The following ZNF654 variants were observed in gnomAD, a reference collection of about 807,000 sequenced individuals.
ZNF654 encodes the protein melanoma-associated antigen.
ZNF654 carries 19 observed loss-of-function variants against 95.3 expected under a neutral mutation model. The observed-to-expected ratio is 0.20, with a 90% confidence interval of 0.14 to 0.29. The LOEUF (loss-of-function observed/expected upper bound fraction) is 0.29, where lower values mean the gene tolerates loss of function less well. ZNF654 is among the 10% of genes least tolerant of loss of function. The pLI is 1.00. For missense variants in ZNF654, 1,046 were observed against 1,341.0 expected (o/e 0.78, Z 3.44); for synonymous variants, 413 against 457.9 (o/e 0.90, Z 1.25).
intron 2 of ZNF654, among the ~76,000 whole-genome samples, chr3:88,106,308 G>C (rs1469732979): frequency 1.3e-5 from 2 of 152,022 alleles, no homozygotes; most frequent in Non-Finnish European, 2.9e-5. Flanking sequence ...TTCCTGTGCT[G>C]TAAGTTGAAA....
intron 2 of ZNF654, among the ~76,000 whole-genome samples, chr3:88,110,332 A>G (rs529427665): frequency 1.3e-5 from 2 of 152,262 alleles, no homozygotes; most frequent in African/African-American, 4.8e-5. Flanking sequence ...TGCCTATAAT[A>G]GGTCTGTGTT....
intron 2 of ZNF654, chr3:88,095,637 C>A: frequency 3.9e-6 from 2 of 506,394 alleles, no homozygotes; most frequent in Admixed American, 2.1e-5. Flanking sequence ...CTCGAAGCCC[C>A]AAGCAATATC....
At chr3:88,118,804 T>C (rs1705572492) in intron 3 of ZNF654, among the ~76,000 whole-genome samples, 2 of 152,222 alleles carry the variant, frequency 1.3e-5, no homozygotes, top group Non-Finnish European at 2.9e-5. Context: ...AACTGCACTT[T>C]GACTGTGTGA....
At position 88,087,733 on chromosome 3, in the gene ZNF654, GTAT is replaced by G. The variant is rs1708412030; in HGVS notation, c.332+1338_332+1340del. ...TATCAGAGTATGTCTCATAGGATAA[GTAT>G]TATTATGTGAAACATTTATTTAGGG... On this transcript the variant is annotated intron_variant, in intron 2 of 8. Transcript: ENST00000636215. Among the ~76,000 whole-genome samples, 8 of 152,272 alleles carry G rather than the reference GTAT, an allele frequency of 5.3e-5. No individual in the cohort carries two copies. In the South Asian group the frequency reaches 1.7e-3, roughly 32 times the overall value.
chr3:88,070,029 T>G (rs1325848553), intron 1 of ZNF654, among the ~76,000 whole-genome samples: 5 of 152,228 alleles, frequency 3.3e-5, no homozygotes, highest in African/African-American at 1.2e-4. Context: ...AATTTATTTT[T>G]AAAGTCTAAA....
At chr3:88,107,723 A>G (rs561892813) in intron 2 of ZNF654, among the ~76,000 whole-genome samples, 3 of 152,064 alleles carry the variant, frequency 2.0e-5, no homozygotes, top group East Asian at 3.9e-4. Flanking sequence ...CAGTGTACCA[A>G]TTTTTTCTTC....
chr3:88,138,000 T>A (rs1029937808), intron 7 of ZNF654, among the ~76,000 whole-genome samples: 3 of 152,108 alleles, frequency 2.0e-5, no homozygotes, highest in Non-Finnish European at 4.4e-5. Flanking sequence ...ATAACTAAGA[T>A]GGGTCGACAA....
chr3:88,102,346 G>A (rs1006625388), intron 2 of ZNF654, among the ~76,000 whole-genome samples: 13 of 151,960 alleles, frequency 8.6e-5, no homozygotes, highest in Admixed American at 7.9e-4. Context: ...AGCTCTAGTC[G>A]TTTTTTGTCT....
At chr3:88,070,412 T>G (rs1470991262) in intron 1 of ZNF654, among the ~76,000 whole-genome samples, 2 of 152,102 alleles carry the variant, frequency 1.3e-5, no homozygotes, top group Non-Finnish European at 2.9e-5. Flanking sequence ...ATTTTCTTGG[T>G]GAGCAGATCC....
Position 88,138,890 on chromosome 3 carries a change from G to A in ZNF654, c.1221G>A (p.Ala407=), listed in dbSNP as rs1238252165. 8.1e-6 allele frequency: 10 copies of A among 1,232,986 alleles called. 1 individual carries two copies. Among genetic ancestry groups the A allele is most frequent in the South Asian group, 4.1e-5 (1 of 24,362 alleles). 76.4% of individuals were successfully genotyped at this position (1,232,986 alleles called of 1,614,324 possible). ...TTTTTCTGGAGCGCTCCTTAGAAGCGTATCGTACTGTTGAAGAGCTTTACA... is the reference window on the plus strand; with the variant it reads ...TTTTTCTGGAGCGCTCCTTAGAAGCATATCGTACTGTTGAAGAGCTTTACA... ...SIFFLERSLE[A]YRTVEELYKR... Residue 407 remains alanine, a synonymous_variant, in exon 8 of 9, where the codon GCG becomes GCA. Coordinates refer to ENST00000636215, the MANE Select transcript of ZNF654 (RefSeq NM_001350134.2).
chr3:88,059,476 A>G lies in ZNF654; in HGVS notation c.157A>G (p.Ser53Gly). 1 of 1,515,236 alleles carries G rather than the reference A, an allele frequency of 6.6e-7. No homozygotes were observed. The highest frequency in any genetic ancestry group is 8.8e-7 in the Non-Finnish European group (1 of 1,138,786). 93.9% of individuals were successfully genotyped at this position (1,515,236 alleles called of 1,614,324 possible). The change falls in exon 1 of 9, where the codon AGT becomes GGT. Residue 53 changes from serine (S) to glycine (G), a missense_variant. This residue lies in a region of ZNF654 where 89 missense variants were observed against 77.9 expected (regional missense o/e 1.14). Coordinates refer to ENST00000636215, the MANE Select transcript of ZNF654 (RefSeq NM_001350134.2). ...CTGCGGCGGCGGCGTCGGAATCAGC[A>G]GTCGGGATTACTGCCGACGCTTCTG... ...GNCGGGVGIS[S>G]RDYCRRFCQV...
At chr3:88,108,151 A>G (rs1704857590) in intron 2 of ZNF654, among the ~76,000 whole-genome samples, 1 of 151,748 alleles carries the variant, frequency 6.6e-6, no homozygotes, top group Admixed American at 6.6e-5. Context: ...TTTTTTGACC[A>G]TGTAGGTATA....
chr3:88,071,546 G>A (rs1707510925), intron 1 of ZNF654, among the ~76,000 whole-genome samples: 1 of 152,226 alleles, frequency 6.6e-6, no homozygotes, highest in African/African-American at 2.4e-5. Context: ...CTTGGCAGGA[G>A]AATGGCGTGA....
chr3:88,143,173 T>C lies in ZNF654; in HGVS notation c.*1521T>C, dbSNP rs368640632. 1 of 152,238 alleles carries C rather than the reference T, an allele frequency of 6.6e-6. No individual in the cohort carries two copies. The highest frequency in any genetic ancestry group is 1.5e-5 in the Non-Finnish European group (1 of 67,756). The allele number at this position is 152,238 out of a possible 1,614,324, so 9.4% of individuals were successfully genotyped here. On this transcript the variant is annotated 3_prime_UTR_variant, in exon 9 of 9. Transcript: ENST00000636215. ...ACGGAAGTGGGGAATTTCTTCCAGG[T>C]AGCATCCATATTTTATTAAATTAGG...
At chr3:88,104,904 C>G (rs1704640030) in intron 2 of ZNF654, among the ~76,000 whole-genome samples, 1 of 152,170 alleles carries the variant, frequency 6.6e-6, no homozygotes, top group Non-Finnish European at 1.5e-5. Context: ...TTTGGAAGGC[C>G]AAGGTGGGCA....
intron 3 of ZNF654, among the ~76,000 whole-genome samples, chr3:88,118,666 T>C (rs1460826284): frequency 2.6e-5 from 4 of 152,180 alleles, no homozygotes; most frequent in African/African-American, 7.2e-5. Context: ...ACAACCTTTG[T>C]AGTGCTAGCT....
chr3:88,093,336 C>G (rs1382276239), intron 2 of ZNF654, among the ~76,000 whole-genome samples: 1 of 152,098 alleles, frequency 6.6e-6, no homozygotes, highest in African/African-American at 2.4e-5. Flanking sequence ...AAAAGAAAAG[C>G]AAATTGTAAT....
intron 3 of ZNF654, among the ~76,000 whole-genome samples, chr3:88,123,601 T>C (rs895632113): frequency 3.3e-5 from 5 of 152,142 alleles, no homozygotes; most frequent in African/African-American, 1.2e-4. Flanking sequence ...AATCTGTTTT[T>C]TAAAAAGAGC....
intron 3 of ZNF654, among the ~76,000 whole-genome samples, chr3:88,124,402 A>G (rs1238990052): frequency 6.6e-6 from 1 of 152,188 alleles, no homozygotes; most frequent in Non-Finnish European, 1.5e-5. Context: ...ATGTTTGACT[A>G]TAAGTGATGT....
Sources: allele counts gnomAD v4.1 joint callset (sites outside exome capture counted in the v4.1 genomes callset), GRCh38; gene constraint gnomAD v4.1.1; regional missense constraint gnomAD v4.1.1; transcripts MANE v1.5; gene names NCBI Gene and HGNC (gene_info 2026-07-23, HGNC 2026-07-21).